SMAD2: variants seen among roughly 807,000 people sequenced by gnomAD.
The protein encoded by SMAD2 is MAD homolog 2.
SMAD2 carries 8 observed loss-of-function variants against 64.4 expected under a neutral mutation model. That is an observed-to-expected ratio of 0.12 (90% CI 0.07 to 0.22). The LOEUF (loss-of-function observed/expected upper bound fraction) is 0.22, where lower values mean the gene tolerates loss of function less well. Ranked by LOEUF, SMAD2 falls within the 10% of genes least tolerant of loss-of-function variation. The pLI, the probability that SMAD2 is intolerant of heterozygous loss-of-function variation, is 1.00. For missense variants in SMAD2, 289 were observed against 561.2 expected (o/e 0.51, Z 4.90); for synonymous variants, 203 against 195.8 (o/e 1.04, Z -0.31).
At position 47,834,938 on chromosome 18, in the gene SMAD2, C is replaced by A. The variant is rs551268142; in HGVS notation, c.*6889G>T. ...ACACAGCCCTCCGATTACAAAGGCC[C>A]AGAATGTTACTTTTAACTGTGCTCC... On this transcript the variant is annotated 3_prime_UTR_variant, in exon 11 of 11. Transcript: ENST00000262160. 9.0e-6 allele frequency: 2 copies of A among 223,348 alleles called. No homozygotes were observed. 13.8% of individuals were successfully genotyped at this position (223,348 alleles called of 1,614,324 possible). A position where few individuals can be genotyped will look rare whatever the true frequency, so the allele number is the denominator to read the frequency against.
rs1446948563 is a variant in SMAD2, at chr18:47,824,644, C to A, written c.*17183G>T. ...TAAATTCTAGCTGATCAATAAAATTCTTTGGTTCTACTGTATACTTTTATT... is the reference window on the plus strand; with the variant it reads ...TAAATTCTAGCTGATCAATAAAATTATTTGGTTCTACTGTATACTTTTATT... On this transcript the variant is annotated 3_prime_UTR_variant, in exon 11 of 11. Coordinates refer to ENST00000262160, the MANE Select transcript of SMAD2 (RefSeq NM_005901.6). 2.0e-5 allele frequency: 3 copies of A among 152,270 alleles called. No individual in the cohort carries two copies. The highest frequency in any genetic ancestry group is 2.9e-5 in the Non-Finnish European group (2 of 68,022). The allele number at this position is 152,270 out of a possible 1,614,324, so 9.4% of individuals were successfully genotyped here.
At position 47,848,263 on chromosome 18, in the gene SMAD2, G is replaced by A. The variant is rs76391464; in HGVS notation, c.997+212C>T. Among the ~76,000 whole-genome samples, 321 of 152,066 alleles carry A rather than the reference G, an allele frequency of 2.1e-3. 2 individuals are homozygous for A. The highest frequency in any genetic ancestry group is 7.1e-3 in the African/African-American group (296 of 41,464). On this transcript the variant is annotated intron_variant, in intron 8 of 10. Transcript: ENST00000262160. The stretch of plus-strand genomic sequence containing the variant: ...TATTGAAGAACTTTCCAGTACCAAG[G>A]GTGCCAAATAAAAGTTGAAGAGTTT...
intron 2 of SMAD2, chr18:47,878,412 G>A (rs1230000749): frequency 5.3e-5 from 8 of 152,144 alleles, no homozygotes; most frequent in East Asian, 1.9e-4. Flanking sequence ...ATCCCTATAC[G>A]TTCTTAAGAA....
In SMAD2 at chr18:47,810,927, T is replaced by A. The variant is rs2144220664; in HGVS notation, c.*30900A>T. ...CGTGGTTTTCTTATGCCAAAACAAC[T>A]TCCGTGCCTGTCTTGTACTCTGAAG... On this transcript the variant is annotated 3_prime_UTR_variant, in exon 11 of 11. Transcript: ENST00000262160. The A allele has an allele frequency of 6.6e-6, 1 of 152,364 alleles. No individual in the cohort carries two copies. Among genetic ancestry groups the A allele is most frequent in the South Asian group, 2.1e-4 (1 of 4,830 alleles). The allele number at this position is 152,364 out of a possible 1,614,324, so 9.4% of individuals were successfully genotyped here. A position where few individuals can be genotyped will look rare whatever the true frequency, so the allele number is the denominator to read the frequency against.
Position 47,837,883 on chromosome 18 carries a change from CATATTTTATGTACAGTGAAGAT to C in SMAD2, c.*3922_*3943del, listed in dbSNP as rs1478573998. Reference sequence around the variant, plus strand: ...TTAAAGTAAAGACTGTACATGAAGACATATTTTATGTACAGTGAAGATTGTCTTGTGTTACTTTATATCCCAA... The same window carrying C: ...TTAAAGTAAAGACTGTACATGAAGACTGTCTTGTGTTACTTTATATCCCAA... On this transcript the variant is annotated 3_prime_UTR_variant, in exon 11 of 11. Transcript: ENST00000262160. 2 of 232,604 alleles carry C rather than the reference CATATTTTATGTACAGTGAAGAT, an allele frequency of 8.6e-6. No homozygotes were observed. The highest frequency in any genetic ancestry group is 1.1e-4 in the Admixed American group (2 of 17,758). The allele number at this position is 232,604 out of a possible 1,614,324, so 14.4% of individuals were successfully genotyped here.
chr18:47,869,182 A>T (rs2144376859), intron 4 of SMAD2, 61 bp downstream of exon 4: 1 of 1,239,994 alleles, frequency 8.1e-7, no homozygotes, highest in Non-Finnish European at 1.2e-6. Context: ...AAGAGTACTT[A>T]AATATACTGA....
At chr18:47,889,167 C>G (rs2033061697) in intron 2 of SMAD2, among the ~76,000 whole-genome samples, 1 of 152,104 alleles carries the variant, frequency 6.6e-6, no homozygotes, top group Non-Finnish European at 1.5e-5. Flanking sequence ...GATTTTAGCC[C>G]AAGTACAACA....
rs925076902 is a variant in SMAD2, at chr18:47,885,827, T to C, written c.236+10694A>G. On this transcript the variant is annotated intron_variant, in intron 2 of 10. Coordinates refer to ENST00000262160, the MANE Select transcript of SMAD2 (RefSeq NM_005901.6). ...AAATACAAAAATTAGCCTAGCATGGTGGCACACAATTGTAATCCCAGGTAT... is the reference window on the plus strand; with the variant it reads ...AAATACAAAAATTAGCCTAGCATGGCGGCACACAATTGTAATCCCAGGTAT... Among the ~76,000 whole-genome samples, 10 of 152,236 alleles carry C rather than the reference T, an allele frequency of 6.6e-5. No homozygotes were observed. In the Middle Eastern group the frequency reaches 0.01, roughly 155 times the overall value.
rs1321817810 is a variant in SMAD2, at chr18:47,826,283, AACCTGTTAAATAC to A, written c.*15531_*15543del. ...TTGTTTGCTGGCAAACCAGTACAGT[AACCTGTTAAATAC>A]AAAGCAAGGGTGTGGTAGATTGACT... On this transcript the variant is annotated 3_prime_UTR_variant, in exon 11 of 11. Coordinates refer to ENST00000262160, the MANE Select transcript of SMAD2 (RefSeq NM_005901.6). The A allele has an allele frequency of 6.6e-6, 1 of 152,272 alleles. No individual in the cohort carries two copies. The highest frequency in any genetic ancestry group is 1.5e-5 in the Non-Finnish European group (1 of 68,072). The allele number at this position is 152,272 out of a possible 1,614,324, so 9.4% of individuals were successfully genotyped here. A position where few individuals can be genotyped will look rare whatever the true frequency, so the allele number is the denominator to read the frequency against.
chr18:47,862,879 T>G (rs1413548684), intron 6 of SMAD2, among the ~76,000 whole-genome samples: 1 of 152,144 alleles, frequency 6.6e-6, no homozygotes, highest in African/African-American at 2.4e-5. Context: ...GGACTGATTA[T>G]ACAATACTAC....
intron 2 of SMAD2, chr18:47,878,417 T>G (rs935598398): frequency 6.6e-6 from 1 of 152,086 alleles, no homozygotes; most frequent in African/African-American, 2.4e-5. Context: ...TATACGTTCT[T>G]AAGAATCAAG....
chr18:47,926,642 A>C (rs1163031866), intron 1 of SMAD2, among the ~76,000 whole-genome samples: 1 of 152,220 alleles, frequency 6.6e-6, no homozygotes, highest in Admixed American at 6.5e-5. Flanking sequence ...ATTCTTATTA[A>C]GGGTCTCCAA....
intron 1 of SMAD2, among the ~76,000 whole-genome samples, chr18:47,927,698 G>C (rs183197639): frequency 1.3e-5 from 2 of 152,142 alleles, no homozygotes; most frequent in Admixed American, 1.3e-4. Context: ...TCGGGAGTTC[G>C]AGACCAGCCT....
chr18:47,903,884 G>GC (rs1366525560), intron 1 of SMAD2, among the ~76,000 whole-genome samples: 1 of 135,120 alleles, frequency 7.4e-6, no homozygotes, highest in Non-Finnish European at 1.6e-5. Flanking sequence ...TGTGGGGGGG[G>GC]GGGGGACTCA....
In SMAD2 at chr18:47,835,604, T is replaced by C. The variant is rs1913345109; in HGVS notation, c.*6223A>G. On this transcript the variant is annotated 3_prime_UTR_variant, in exon 11 of 11. Coordinates refer to ENST00000262160, the MANE Select transcript of SMAD2 (RefSeq NM_005901.6). Reference sequence around the variant, plus strand: ...AAAAACCAGCTTTATAATAACAGCATTATAAAGGATAGAACTTAATATAGA... The same window carrying C: ...AAAAACCAGCTTTATAATAACAGCACTATAAAGGATAGAACTTAATATAGA... 1 of 194,288 alleles carries C rather than the reference T, an allele frequency of 5.1e-6. No homozygotes were observed. The highest frequency in any genetic ancestry group is 1.1e-5 in the Non-Finnish European group (1 of 93,246). 12.0% of individuals were successfully genotyped at this position (194,288 alleles called of 1,614,324 possible).
chr18:47,891,169 G>A (rs188345167), intron 2 of SMAD2, among the ~76,000 whole-genome samples: 17 of 152,256 alleles, frequency 1.1e-4, no homozygotes, highest in Non-Finnish European at 2.5e-4. Flanking sequence ...GACAGGCATG[G>A]TGGCGCATGC....
Position 47,813,243 on chromosome 18 carries a change from G to A in SMAD2, c.*28584C>T, listed in dbSNP as rs905415039. 3 of 151,838 alleles carry A rather than the reference G, an allele frequency of 2.0e-5. No homozygotes were observed. Among genetic ancestry groups the A allele is most frequent in the African/African-American group, 7.3e-5 (3 of 41,318 alleles). The allele number at this position is 151,838 out of a possible 1,614,324, so 9.4% of individuals were successfully genotyped here. A position where few individuals can be genotyped will look rare whatever the true frequency, so the allele number is the denominator to read the frequency against. ...ACTAAATAACTAAATAAAATAAACT[G>A]GGTCCTTATTTTTAGAAAAGGATCT... On this transcript the variant is annotated 3_prime_UTR_variant, in exon 11 of 11. Transcript: ENST00000262160.
At chr18:47,866,316 CAAAAAAA>C (rs34302955) in intron 5 of SMAD2, among the ~76,000 whole-genome samples, 8 of 42,096 alleles carry the variant, frequency 1.9e-4, no homozygotes, top group African/African-American at 5.0e-4. Flanking sequence ...AACACCGTCT[CAAAAAAA>C]AAAAAAAAAA....
intron 1 of SMAD2, among the ~76,000 whole-genome samples, chr18:47,903,994 A>G (rs896156092): frequency 5.3e-5 from 8 of 151,950 alleles, no homozygotes; most frequent in Admixed American, 2.0e-4. Flanking sequence ...TAATGGCCAT[A>G]AACTTTTCAA....
Sources: allele counts gnomAD v4.1 joint callset (sites outside exome capture counted in the v4.1 genomes callset), GRCh38; gene constraint gnomAD v4.1.1; transcripts MANE v1.5; gene names NCBI Gene and HGNC (gene_info 2026-07-23, HGNC 2026-07-21).